ZNF675: variants seen among roughly 807,000 people sequenced by gnomAD.
ZNF675 encodes the protein TRAF6 inhibitory zinc finger.
In ZNF675, 36 loss-of-function variants were observed where a neutral mutation model predicts 56.1. The observed-to-expected ratio is 0.64, with a 90% CI of 0.49 to 0.85. The LOEUF is 0.85. ZNF675 is among the 40% of genes least tolerant of loss of function. The pLI, the probability that ZNF675 is intolerant of heterozygous loss-of-function variation, is 0.00. For missense variants in ZNF675, 663 were observed against 654.2 expected (o/e 1.01, Z -0.15); for synonymous variants, 200 against 218.9 (o/e 0.91, Z 0.76).
chr19:23,667,658 A>G (rs1968171027), intron 1 of ZNF675, among the ~76,000 whole-genome samples: 1 of 152,058 alleles, frequency 6.6e-6, no homozygotes, highest in Admixed American at 6.5e-5. Flanking sequence ...CCACCAGAGC[A>G]GCTAGATACA....
chr19:23,660,976 C>T (rs1968069134), intron 3 of ZNF675, among the ~76,000 whole-genome samples: 2 of 147,456 alleles, frequency 1.4e-5, no homozygotes, highest in Non-Finnish European at 3.0e-5. Context: ...TATAGCCAGG[C>T]TGGAGTGCAG....
chr19:23,670,980 T>A (rs1568293621), intron 1 of ZNF675, among the ~76,000 whole-genome samples: 1 of 152,058 alleles, frequency 6.6e-6, no homozygotes, highest in African/African-American at 2.4e-5. Context: ...AACACCACTG[T>A]AGGAAACAAC....
At chr19:23,679,749 G>A (rs1294450265) in intron 1 of ZNF675, among the ~76,000 whole-genome samples, 1 of 151,612 alleles carries the variant, frequency 6.6e-6, no homozygotes, top group Admixed American at 6.6e-5. Context: ...CCAGCACTTT[G>A]GGATGCAGAG....
rs186098533 is a variant in ZNF675, at chr19:23,671,293, G to A, written c.4-8135C>T. Among the ~76,000 whole-genome samples the A allele has an allele frequency of 3.9e-3, 595 of 152,266 alleles. 11 individuals are homozygous for A. Among genetic ancestry groups the A allele is most frequent in the Non-Finnish European group, 2.1e-3 (141 of 68,018 alleles). On this transcript the variant is annotated intron_variant, in intron 1 of 3. Transcript: ENST00000359788. ...CCAGCTTCTTGATACAATGTTTATG[G>A]TGTATAACAATTGTGACCTGAAGGA...
intron 1 of ZNF675, among the ~76,000 whole-genome samples, chr19:23,667,215 G>A (rs1267995667): frequency 2.0e-5 from 3 of 152,000 alleles, no homozygotes; most frequent in Non-Finnish European, 4.4e-5. Flanking sequence ...CGGTGGGCTC[G>A]TGGTGTCACT....
chr19:23,653,568 T>C lies in ZNF675; in HGVS notation c.1365A>G (p.Glu455=). The C allele has an allele frequency of 6.2e-7, 1 of 1,612,608 alleles. No homozygotes were observed. Among genetic ancestry groups the C allele is most frequent in the East Asian group, 2.2e-5 (1 of 44,802 alleles). ...ATTGGATAAAAGCTTTGCCACATTCTTCACATTTGTAGGGTTTCTTTCCAG... is the reference window on the plus strand; with the variant it reads ...ATTGGATAAAAGCTTTGCCACATTCCTCACATTTGTAGGGTTTCTTTCCAG... ...LHTGKKPYKC[E]ECGKAFIQSS... Residue 455 remains glutamate, a synonymous_variant, in exon 4 of 4, where the codon GAA becomes GAG. Coordinates refer to ENST00000359788, the MANE Select transcript of ZNF675 (RefSeq NM_138330.3).
intron 1 of ZNF675, among the ~76,000 whole-genome samples, chr19:23,666,928 G>A (rs1302554987): frequency 6.6e-6 from 1 of 152,056 alleles, no homozygotes; most frequent in Admixed American, 6.6e-5. Flanking sequence ...TTGTTTTTCT[G>A]AGTCCTATTG....
In ZNF675 at chr19:23,654,765, C is replaced by A. The variant is rs1483783672; in HGVS notation, c.227-59G>T. ...GACTCAGATAAATATACTTTCCAAA[C>A]CTAACTTATAAAATTACACAAACTA... On this transcript the variant is annotated intron_variant, in intron 3 of 3. Coordinates refer to ENST00000359788, the MANE Select transcript of ZNF675 (RefSeq NM_138330.3). 2.2e-6 allele frequency: 3 copies of A among 1,366,238 alleles called. No homozygotes were observed. The African/African-American group carries it at 4.4e-5, about 20-fold the overall frequency. 84.6% of individuals were successfully genotyped at this position (1,366,238 alleles called of 1,614,324 possible).
At chr19:23,658,425 CTGTACCA>C (rs1968017137) in intron 3 of ZNF675, 1 of 151,414 alleles carries the variant, frequency 6.6e-6, no homozygotes, top group Non-Finnish European at 1.5e-5. Context: ...TGGCTCACAC[CTGTACCA>C]GAACTTTGGG....
chr19:23,669,586 A>C (rs768840089), intron 1 of ZNF675, among the ~76,000 whole-genome samples: 1 of 152,136 alleles, frequency 6.6e-6, no homozygotes, highest in Non-Finnish European at 1.5e-5. Flanking sequence ...AAAAAAGCTC[A>C]TAGTAGTCCG....
intron 1 of ZNF675, among the ~76,000 whole-genome samples, chr19:23,674,971 CAA>C (rs66595848): frequency 1.4e-5 from 2 of 142,424 alleles, no homozygotes. Context: ...GACTCCATCT[CAA>C]AAAAAAAAAA....
intron 1 of ZNF675, among the ~76,000 whole-genome samples, chr19:23,664,108 C>T (rs1429668282): frequency 1.3e-5 from 2 of 152,050 alleles, no homozygotes; most frequent in African/African-American, 4.8e-5. Context: ...GGAGAAAAAA[C>T]CCAAGTAGAG....
chr19:23,663,138 A>T lies in ZNF675; in HGVS notation c.24T>A (p.Asp8Glu). ...CTTCCAGAGAGAATTCTATGGCCACATCCCTAAATGTCAACAGTCCCTGAA... is the reference window on the plus strand; with the variant it reads ...CTTCCAGAGAGAATTCTATGGCCACTTCCCTAAATGTCAACAGTCCCTGAA... Reference protein sequence around the residue: MGLLTFRDVAIEFSLEEW... With the variant: MGLLTFREVAIEFSLEEW... The change falls in exon 2 of 4, where the codon GAT (aspartate) becomes GAA (glutamate). Residue 8 changes from aspartate to glutamate, a missense_variant. Transcript: ENST00000359788. The T allele has an allele frequency of 6.2e-7, 1 of 1,610,070 alleles. No individual in the cohort carries two copies. Among genetic ancestry groups the T allele is most frequent in the Non-Finnish European group, 8.5e-7 (1 of 1,178,190 alleles).
chr19:23,665,354 A>AAAT (rs199987750), intron 1 of ZNF675, among the ~76,000 whole-genome samples: 1 of 150,494 alleles, frequency 6.6e-6, no homozygotes, highest in Non-Finnish European at 1.5e-5. Context: ...AAAAAAAAAA[A>AAAT]TCAAACCTGG....
chr19:23,673,856 T>C (rs573955708), intron 1 of ZNF675, among the ~76,000 whole-genome samples: 7 of 148,890 alleles, frequency 4.7e-5, no homozygotes, highest in African/African-American at 1.8e-4. Flanking sequence ...ATAATAATAA[T>C]AGAAGAAAAA....
chr19:23,669,167 G>A (rs1968196237), intron 1 of ZNF675, among the ~76,000 whole-genome samples: 1 of 152,194 alleles, frequency 6.6e-6, no homozygotes, highest in South Asian at 2.1e-4. Flanking sequence ...AGTGGAACTA[G>A]CCAGAGCCAC....
chr19:23,659,180 T>C (rs1968044030), intron 3 of ZNF675, among the ~76,000 whole-genome samples: 2 of 152,202 alleles, frequency 1.3e-5, no homozygotes, highest in South Asian at 4.1e-4. Flanking sequence ...GTAACAGTTT[T>C]AGTAAATATG....
At chr19:23,679,235 C>T (rs1208452373) in intron 1 of ZNF675, among the ~76,000 whole-genome samples, 1 of 150,612 alleles carries the variant, frequency 6.6e-6, no homozygotes. Context: ...AAAATAATGC[C>T]ACACACTTAC....
At chr19:23,654,979 T>TGTGTGTGTGTGAGTG (rs1967963208) in intron 3 of ZNF675, 1 of 254,994 alleles carries the variant, frequency 3.9e-6, no homozygotes, top group South Asian at 1.4e-4. Flanking sequence ...CTCACACCTG[T>TGTGTGTGTGTGAGTG]ACTCCCAGCA....
Sources: gnomAD v4.1 joint callset for allele counts (sites outside exome capture counted in the v4.1 genomes callset) on GRCh38, gnomAD v4.1.1 for gene constraint, MANE v1.5 for transcripts, NCBI Gene and HGNC (gene_info 2026-07-23, HGNC 2026-07-21) for gene names.